The following ACO2 variants were observed in gnomAD, a reference collection of about 807,000 sequenced individuals.
The protein encoded by ACO2 is aconitate hydratase, mitochondrial.
Under a neutral mutation model 84.5 loss-of-function variants are expected in ACO2, and 31 were observed. The ratio of observed to expected loss-of-function variants is 0.37; its 90% confidence interval spans 0.28 to 0.50. ACO2 has a LOEUF of 0.50. Ranked by LOEUF, ACO2 falls within the 20% of genes least tolerant of loss-of-function variation. ACO2 has a pLI of 0.97. For synonymous variants in ACO2, 414 were observed against 412.7 expected (o/e 1.00, Z -0.04); for missense variants, 685 against 1,029.3 (o/e 0.67, Z 4.58).
At chr22:41,509,759 G>A (rs556713197) in intron 3 of ACO2, among the ~76,000 whole-genome samples, 29 of 151,484 alleles carry the variant, frequency 1.9e-4, no homozygotes, top group African/African-American at 6.5e-4. Flanking sequence ...CTGTGGGAAC[G>A]CTATGGTCAC....
chr22:41,522,984 C>T lies in ACO2; in HGVS notation c.1293C>T (p.Gly431=), dbSNP rs760522590. The T allele has an allele frequency of 1.1e-5, 17 of 1,613,998 alleles. No individual in the cohort carries two copies. Among genetic ancestry groups the T allele is most frequent in the Non-Finnish European group, 1.4e-5 (17 of 1,180,000 alleles). Residue 431 remains glycine (G), a synonymous_variant, in exon 10 of 18, where the codon GGC becomes GGT. Transcript: ENST00000216254. ...EQIRATIERD[G]YAQILRDLGG... is the part of the protein sequence containing the mutation. Reference sequence around the variant, plus strand: ...TCCGCGCCACCATTGAGCGGGACGGCTATGTGAGTGCCCATATCCCCCTGC... The same window carrying T: ...TCCGCGCCACCATTGAGCGGGACGGTTATGTGAGTGCCCATATCCCCCTGC...
At chr22:41,471,613 T>G (rs377742567) in intron 1 of ACO2, among the ~76,000 whole-genome samples, 1 of 152,214 alleles carries the variant, frequency 6.6e-6, no homozygotes, top group Non-Finnish European at 1.5e-5. Flanking sequence ...TGTACCTGAC[T>G]GCAGAGGGCC....
At chr22:41,500,684 C>G (rs1320069849) in intron 2 of ACO2, among the ~76,000 whole-genome samples, 1 of 151,640 alleles carries the variant, frequency 6.6e-6, no homozygotes, top group African/African-American at 2.4e-5. Context: ...TGCGCCTGGC[C>G]TATTTTATTT....
At chr22:41,525,160 C>T (rs758551187) in intron 13 of ACO2, 33 bp from the exon 14 acceptor site, 2 of 1,609,736 alleles carry the variant, frequency 1.2e-6, no homozygotes, top group Admixed American at 1.7e-5. Flanking sequence ...ACTGAGGACT[C>T]AGCACCCCAC....
Position 41,525,367 on chromosome 22 carries a change from G to A in ACO2, c.1761+19G>A, listed in dbSNP as rs1478745114. ...CATCAAGGTCAGCAGCATGGGGACG[G>A]CAGGACAGCCCCACCCTGCCAGGGC... is the stretch of plus-strand genomic sequence containing the variant. On this transcript the variant is annotated intron_variant, in intron 14 of 17. Coordinates refer to ENST00000216254, the MANE Select transcript of ACO2 (RefSeq NM_001098.3). 2 of 1,612,354 alleles carry A rather than the reference G, an allele frequency of 1.2e-6. No homozygotes were observed. The highest frequency in any genetic ancestry group is 8.5e-7 in the Non-Finnish European group (1 of 1,179,526).
chr22:41,494,525 C>T (rs959208464), intron 1 of ACO2, among the ~76,000 whole-genome samples: 9 of 151,122 alleles, frequency 6.0e-5, no homozygotes, highest in Non-Finnish European at 1.0e-4. Flanking sequence ...GATTCTCCTG[C>T]CTCAGCCTCC....
chr22:41,484,255 T>C (rs2038123741), intron 1 of ACO2, among the ~76,000 whole-genome samples: 1 of 152,214 alleles, frequency 6.6e-6, no homozygotes, highest in Non-Finnish European at 1.5e-5. Flanking sequence ...GCTCAGAAAC[T>C]TCAGCCCTGA....
chr22:41,508,965 G>A (rs1190970340), intron 3 of ACO2, among the ~76,000 whole-genome samples: 1 of 152,146 alleles, frequency 6.6e-6, no homozygotes, highest in African/African-American at 2.4e-5. Flanking sequence ...TCGGGGCGGC[G>A]CTCTCACTCA....
At chr22:41,507,380 C>G (rs1258713080) in intron 2 of ACO2, among the ~76,000 whole-genome samples, 1 of 152,048 alleles carries the variant, frequency 6.6e-6, no homozygotes, top group Non-Finnish European at 1.5e-5. Context: ...CTTGGTCACT[C>G]TCCTGAGCCT....
At chr22:41,491,012 G>A (rs2066268060) in intron 1 of ACO2, among the ~76,000 whole-genome samples, 1 of 151,932 alleles carries the variant, frequency 6.6e-6, no homozygotes, top group Non-Finnish European at 1.5e-5. Context: ...GAGGTAAAGG[G>A]CATATATAAT....
chr22:41,507,642 C>A, intron 2 of ACO2, 149 bp from the exon 3 acceptor site: 2 of 1,120,492 alleles, frequency 1.8e-6, no homozygotes, highest in Non-Finnish European at 2.5e-6. Context: ...ACCCAGCAGT[C>A]CCCACCCAAG....
At chr22:41,488,931 A>G (rs2066252619) in intron 1 of ACO2, among the ~76,000 whole-genome samples, 2 of 152,252 alleles carry the variant, frequency 1.3e-5, no homozygotes, top group East Asian at 1.9e-4. Context: ...CTTAGGCCCT[A>G]CTGCAGGTGA....
At chr22:41,508,297 T>A (rs2066409276) in intron 3 of ACO2, among the ~76,000 whole-genome samples, 1 of 152,232 alleles carries the variant, frequency 6.6e-6, no homozygotes, top group Non-Finnish European at 1.5e-5. Flanking sequence ...CAGGTCCTTT[T>A]TCTGTCCTGT....
intron 1 of ACO2, among the ~76,000 whole-genome samples, chr22:41,485,434 ATTTTTTTTTTTTT>A (rs71184813): frequency 2.9e-5 from 2 of 69,026 alleles, no homozygotes; most frequent in Admixed American, 2.9e-4. Context: ...TGCCCGGCTA[ATTTTTTTTTTTTT>A]TTTTTTTTTT....
At chr22:41,505,289 G>A (rs543917343) in intron 2 of ACO2, among the ~76,000 whole-genome samples, 78 of 152,094 alleles carry the variant, frequency 5.1e-4, no homozygotes, top group African/African-American at 1.8e-3. Context: ...GTGGTGGTGC[G>A]TGCCTATAAT....
intron 14 of ACO2, 83 bp downstream of exon 14, chr22:41,525,431 G>C: frequency 1.3e-6 from 2 of 1,542,972 alleles, no homozygotes; most frequent in Admixed American, 3.6e-5. Context: ...CATGAACCTG[G>C]AGGAAGTGAG....
At chr22:41,481,450 A>G (rs1329660103) in intron 1 of ACO2, among the ~76,000 whole-genome samples, 1 of 152,198 alleles carries the variant, frequency 6.6e-6, no homozygotes, top group Non-Finnish European at 1.5e-5. Context: ...GCTCCCCAAC[A>G]AGCAGTGCTG....
At chr22:41,476,873 G>A (rs951621645) in intron 1 of ACO2, among the ~76,000 whole-genome samples, 3 of 151,460 alleles carry the variant, frequency 2.0e-5, no homozygotes, top group Non-Finnish European at 4.4e-5. Context: ...AATGGGCCAG[G>A]CATGGTAGCT....
At chr22:41,472,034 G>A (rs764781460) in intron 1 of ACO2, among the ~76,000 whole-genome samples, 1 of 152,118 alleles carries the variant, frequency 6.6e-6, no homozygotes, top group Non-Finnish European at 1.5e-5. Context: ...ACCCTGCCTG[G>A]TACTTAATAA....
Sources: allele counts gnomAD v4.1 joint callset (sites outside exome capture counted in the v4.1 genomes callset), GRCh38; gene constraint gnomAD v4.1.1; transcripts MANE v1.5; gene names NCBI Gene and HGNC (gene_info 2026-07-23, HGNC 2026-07-21).